The following BTAF1 variants were observed in gnomAD, a reference collection of about 807,000 sequenced individuals.
BTAF1 encodes the protein TATA-binding protein-associated factor 172.
Under a neutral mutation model 227.1 loss-of-function variants are expected in BTAF1, and 38 were observed. The observed-to-expected ratio is 0.17, with a 90% CI of 0.13 to 0.22. BTAF1 has a LOEUF of 0.22. BTAF1 is among the 10% of genes least tolerant of loss of function. The pLI, the probability that BTAF1 is intolerant of heterozygous loss-of-function variation, is 1.00. For synonymous variants in BTAF1, 742 were observed against 751.9 expected, an observed-to-expected ratio of 0.99 and a Z score of 0.21; for missense variants, 1,598 against 2,204.0, an observed-to-expected ratio of 0.73 and a Z score of 5.51.
At chr10:91,940,495 T>G (rs1311425990) in intron 3 of BTAF1, among the ~76,000 whole-genome samples, 1 of 152,062 alleles carries the variant, frequency 6.6e-6, no homozygotes, top group Non-Finnish European at 1.5e-5. Context: ...TATGTGCCCT[T>G]TTTTGGATTT....
At chr10:91,956,194 A>G (rs951459558) in intron 6 of BTAF1, among the ~76,000 whole-genome samples, 1 of 152,186 alleles carries the variant, frequency 6.6e-6, no homozygotes, top group African/African-American at 2.4e-5. Context: ...GCTGGACCAG[A>G]TGCAGGTTAT....
chr10:91,925,878 A>G (rs1328044194), intron 1 of BTAF1, among the ~76,000 whole-genome samples: 1 of 152,118 alleles, frequency 6.6e-6, no homozygotes, highest in Non-Finnish European at 1.5e-5. Context: ...TTTTGAAGGT[A>G]CTGTCTTTTG....
At chr10:91,926,838 AT>A (rs1843873052) in intron 1 of BTAF1, among the ~76,000 whole-genome samples, 2 of 152,216 alleles carry the variant, frequency 1.3e-5, no homozygotes, top group Admixed American at 1.3e-4. Flanking sequence ...TGATTTGAAG[AT>A]TTGAACATGA....
rs1848162943 is a variant in BTAF1, at chr10:91,982,860, T to C, written c.2223+99T>C. 3.2e-6 allele frequency: 4 copies of C among 1,246,378 alleles called. No homozygotes were observed. The East Asian group carries it at 1.0e-4, about 31-fold the overall frequency. The allele number at this position is 1,246,378 out of a possible 1,614,324, so 77.2% of individuals were successfully genotyped here. ...AACAGAAAAGTGAAAATTTTCGATG[T>C]ATAAAAATCCAAGAGTTACAGAAAA... On this transcript the variant is annotated intron_variant, in intron 18 of 37. Coordinates refer to ENST00000265990, the MANE Select transcript of BTAF1 (RefSeq NM_003972.3).
intron 12 of BTAF1, 103 bp downstream of exon 12, chr10:91,962,781 A>T (rs550493717): frequency 2.5e-4 from 224 of 913,668 alleles, no homozygotes; most frequent in African/African-American, 1.1e-3. Context: ...TTCATCTTCA[A>T]TTTTTTTTTT....
chr10:91,936,982 C>T (rs545722061), intron 2 of BTAF1, among the ~76,000 whole-genome samples: 8 of 151,624 alleles, frequency 5.3e-5, no homozygotes, highest in African/African-American at 1.2e-4. Context: ...CGGCTGTCAG[C>T]GTTTTCCTGT....
At chr10:91,956,380 C>A in intron 6 of BTAF1, 148 bp from the exon 7 acceptor site, 1 of 1,029,940 alleles carries the variant, frequency 9.7e-7, no homozygotes, top group Non-Finnish European at 1.3e-6. Context: ...TTAAGTAAAT[C>A]ATATAAGCAG....
chr10:91,935,060 T>A (rs545721109), intron 1 of BTAF1: 1 of 152,328 alleles, frequency 6.6e-6, no homozygotes, highest in East Asian at 1.9e-4. Flanking sequence ...AGATTAGGCA[T>A]CTCTTGTAGT....
At chr10:91,943,818 T>C (rs951127513) in intron 4 of BTAF1, among the ~76,000 whole-genome samples, 2 of 152,176 alleles carry the variant, frequency 1.3e-5, no homozygotes, top group African/African-American at 4.8e-5. Context: ...CATATTCTTA[T>C]TTCATAGATC....
At chr10:91,960,689 G>T (rs749253313) in intron 11 of BTAF1, among the ~76,000 whole-genome samples, 1 of 151,486 alleles carries the variant, frequency 6.6e-6, no homozygotes, top group Non-Finnish European at 1.5e-5. Context: ...AAAATTAGAT[G>T]CCTTGCTGAT....
At chr10:91,927,266 G>A (rs528366672) in intron 1 of BTAF1, among the ~76,000 whole-genome samples, 1 of 151,954 alleles carries the variant, frequency 6.6e-6, no homozygotes, top group South Asian at 2.1e-4. Flanking sequence ...AGCCTCCCGA[G>A]TAGCTGGGAT....
In BTAF1 at chr10:91,959,766, A is replaced by AT; in HGVS notation, c.991-18dup. 1.2e-5 allele frequency: 7 copies of AT among 586,574 alleles called. No homozygotes were observed. The highest frequency in any genetic ancestry group is 2.3e-5 in the African/African-American group (1 of 42,918). The allele number at this position is 586,574 out of a possible 1,614,324, so 36.3% of individuals were successfully genotyped here. On this transcript the variant is annotated intron_variant, in intron 9 of 37. Coordinates refer to ENST00000265990, the MANE Select transcript of BTAF1 (RefSeq NM_003972.3). ...TATATATATATATATATATATATAT[A>AT]TATATTATATTTTAACAGATGATTC... is the stretch of plus-strand genomic sequence containing the variant.
intron 8 of BTAF1, among the ~76,000 whole-genome samples, 200 bp from the exon 9 acceptor site, chr10:91,958,865 A>T (rs1450319506): frequency 6.6e-6 from 1 of 152,234 alleles, no homozygotes; most frequent in Non-Finnish European, 1.5e-5. Context: ...TTTTTAAAAA[A>T]TTCCATATAA....
chr10:91,987,303 G>A (rs1332565589), intron 19 of BTAF1, among the ~76,000 whole-genome samples: 3 of 151,914 alleles, frequency 2.0e-5, no homozygotes, highest in African/African-American at 7.3e-5. Context: ...CTAACATGGT[G>A]AAACCCCATC....
chr10:92,004,680 G>T (rs1413504177), intron 25 of BTAF1, among the ~76,000 whole-genome samples: 1 of 151,824 alleles, frequency 6.6e-6, no homozygotes, highest in African/African-American at 2.4e-5. Flanking sequence ...TGTTTACCCC[G>T]GGCTGGTCTT....
At position 92,008,106 on chromosome 10, in the gene BTAF1, T is replaced by G; in HGVS notation, c.3661-17T>G. The G allele has an allele frequency of 1.3e-6, 2 of 1,563,400 alleles. No individual in the cohort carries two copies. The highest frequency in any genetic ancestry group is 1.7e-4 in the Middle Eastern group (1 of 5,956). On this transcript the variant is annotated splice_polypyrimidine_tract_variant and intron_variant, in intron 25 of 37. Coordinates refer to ENST00000265990, the MANE Select transcript of BTAF1 (RefSeq NM_003972.3). The stretch of plus-strand genomic sequence containing the variant: ...GTGAGTACGTAGTTTTTAATAACTT[T>G]AAAAAAATCATTTTAGGCAGGCATT...
chr10:92,018,765 T>C lies in BTAF1; in HGVS notation c.4711-18T>C, dbSNP rs1850914901. On this transcript the variant is annotated intron_variant, in intron 33 of 37. Coordinates refer to ENST00000265990, the MANE Select transcript of BTAF1 (RefSeq NM_003972.3). ...TATGCGAAATTGACTCATATATACT[T>C]TTTTTTTCCTCTTGAAGGCATTACA... 5 of 1,406,066 alleles carry C rather than the reference T, an allele frequency of 3.6e-6. No homozygotes were observed. The highest frequency in any genetic ancestry group is 4.7e-6 in the Non-Finnish European group (5 of 1,065,228). The allele number at this position is 1,406,066 out of a possible 1,614,324, so 87.1% of individuals were successfully genotyped here. A position where few individuals can be genotyped will look rare whatever the true frequency, so the allele number is the denominator to read the frequency against.
chr10:92,030,659 T>C lies in BTAF1; in HGVS notation c.*1726T>C, dbSNP rs934824137. ...GTCAGATAGAGCTAGAAGTCAGATATTTAGGCTGTTTAAACTTTCTGAGAG... is the reference window on the plus strand; with the variant it reads ...GTCAGATAGAGCTAGAAGTCAGATACTTAGGCTGTTTAAACTTTCTGAGAG... On this transcript the variant is annotated 3_prime_UTR_variant, in exon 38 of 38. Coordinates refer to ENST00000265990, the MANE Select transcript of BTAF1 (RefSeq NM_003972.3). 2.7e-5 allele frequency among the ~76,000 whole-genome samples: 4 copies of C among 147,624 alleles called. No individual in the cohort carries two copies. The highest frequency in any genetic ancestry group is 6.1e-5 in the Non-Finnish European group (4 of 65,560).
chr10:91,928,273 A>G (rs1844006791), intron 1 of BTAF1, among the ~76,000 whole-genome samples: 1 of 152,184 alleles, frequency 6.6e-6, no homozygotes, highest in Admixed American at 6.5e-5. Flanking sequence ...AGATTATGAA[A>G]TGCATGGCCA....
Sources: gnomAD v4.1 joint callset for allele counts (sites outside exome capture counted in the v4.1 genomes callset) on GRCh38, gnomAD v4.1.1 for gene constraint, MANE v1.5 for transcripts, NCBI Gene and HGNC (gene_info 2026-07-23, HGNC 2026-07-21) for gene names.